MYO5B: variants seen among roughly 807,000 people sequenced by gnomAD.
The protein encoded by MYO5B is unconventional myosin-Vb.
A neutral mutation model predicts 229.3 loss-of-function variants in MYO5B; 143 were observed. That is an observed-to-expected ratio of 0.62 (90% CI 0.54 to 0.72). The LOEUF is 0.72. Among genes scored for constraint, MYO5B ranks in the 30% least tolerant of loss-of-function variants. The pLI is 0.00. For missense variants in MYO5B, 2,321 were observed against 2,331.0 expected, an observed-to-expected ratio of 1.00 and a Z score of 0.09; for synonymous variants, 918 against 885.2, an observed-to-expected ratio of 1.04 and a Z score of -0.66.
chr18:50,181,433 A>G (rs1486088287), intron 1 of MYO5B, among the ~76,000 whole-genome samples: 2 of 152,244 alleles, frequency 1.3e-5, no homozygotes, highest in Non-Finnish European at 2.9e-5. Flanking sequence ...CCTGGAAGCA[A>G]CACACAGTCC....
chr18:49,987,543 C>G (rs1238795696), intron 7 of MYO5B, among the ~76,000 whole-genome samples: 2 of 152,060 alleles, frequency 1.3e-5, no homozygotes, highest in African/African-American at 2.4e-5. Context: ...CTCCTATTAA[C>G]TAGTTCAACA....
At chr18:49,889,553 T>C (rs2024684472) in intron 22 of MYO5B, among the ~76,000 whole-genome samples, 1 of 152,210 alleles carries the variant, frequency 6.6e-6, no homozygotes, top group South Asian at 2.1e-4. Context: ...CAGCAGGCTG[T>C]GAAGTAACCA....
chr18:50,110,504 T>C (rs1481563449), intron 1 of MYO5B, among the ~76,000 whole-genome samples: 14 of 152,166 alleles, frequency 9.2e-5, no homozygotes, highest in Admixed American at 9.2e-4. Context: ...CCAGTACACA[T>C]TACTGAAAAG....
At chr18:50,108,497 CA>C (rs1487699670) in intron 1 of MYO5B, among the ~76,000 whole-genome samples, 19 of 152,282 alleles carry the variant, frequency 1.2e-4, no homozygotes, top group African/African-American at 4.3e-4. Flanking sequence ...AACATCGAAT[CA>C]GCTGAGTCCA....
intron 1 of MYO5B, among the ~76,000 whole-genome samples, chr18:50,189,505 C>T (rs1599091311): frequency 6.6e-6 from 1 of 152,160 alleles, no homozygotes. Flanking sequence ...AATTCCCAGG[C>T]TCCCTATGCA....
chr18:49,883,644 T>C (rs1617530), intron 22 of MYO5B, among the ~76,000 whole-genome samples: 90,073 of 150,970 alleles, frequency 0.6, 26,860 homozygotes, highest in Middle Eastern at 0.67. Flanking sequence ...AATTCATATA[T>C]AATATCTAGG....
At chr18:49,893,015 AGAG>A (rs916610417) in intron 22 of MYO5B, among the ~76,000 whole-genome samples, 3 of 152,178 alleles carry the variant, frequency 2.0e-5, no homozygotes, top group African/African-American at 4.8e-5. Context: ...TTTCTTAAGG[AGAG>A]GAGGAGGGAG....
At chr18:50,136,692 A>G (rs940499551) in intron 1 of MYO5B, among the ~76,000 whole-genome samples, 3 of 152,192 alleles carry the variant, frequency 2.0e-5, no homozygotes, top group African/African-American at 7.2e-5. Flanking sequence ...TCTGGGTTCA[A>G]ATCTTAACCC....
chr18:49,894,256 C>T (rs1421556945), intron 22 of MYO5B, among the ~76,000 whole-genome samples: 1 of 151,974 alleles, frequency 6.6e-6, no homozygotes, highest in Non-Finnish European at 1.5e-5. Flanking sequence ...ATGCTATTTC[C>T]CTTGTGGCTT....
rs1195919305 is a variant in MYO5B at position 49,992,382 on chromosome 18, C to G, written c.662G>C (p.Gly221Ala). Residue 221 changes from glycine (G) to alanine (A), a missense_variant, in exon 6 of 40, where the codon GGC (glycine) becomes GCC (alanine). This residue lies in a region of MYO5B where 2,113 missense variants were observed against 2,044.7 expected (regional missense o/e 1.03). Transcript: ENST00000285039. ...GTCAAAGCCAATCTGGATGTACTTG[C>G]CAAAACGGCTGCTGTTGTCATTGCG... ...TTRNDNSSRF[G>A]KYIQIGFDKR... is the part of the protein sequence containing the mutation. The G allele has an allele frequency of 6.2e-7, 1 of 1,614,036 alleles. No homozygotes were observed. Among genetic ancestry groups the G allele is most frequent in the Non-Finnish European group, 8.5e-7 (1 of 1,180,030 alleles).
chr18:49,979,550 T>C (rs1321212420), intron 9 of MYO5B, among the ~76,000 whole-genome samples: 1 of 151,970 alleles, frequency 6.6e-6, no homozygotes, highest in Non-Finnish European at 1.5e-5. Context: ...CAGAAGGAGG[T>C]TAATTTACGT....
At chr18:50,001,849 G>T (rs957031875) in intron 4 of MYO5B, among the ~76,000 whole-genome samples, 1 of 152,028 alleles carries the variant, frequency 6.6e-6, no homozygotes, top group African/African-American at 2.4e-5. Context: ...GGCTAACATG[G>T]TGAAACCCTG....
At position 49,853,504 on chromosome 18, in the gene MYO5B, G is replaced by A; in HGVS notation, c.4166C>T (p.Ala1389Val). The A allele has an allele frequency of 6.2e-7, 1 of 1,614,176 alleles. No individual in the cohort carries two copies. The highest frequency in any genetic ancestry group is 8.5e-7 in the Non-Finnish European group (1 of 1,180,028). The change falls in exon 31 of 40, where the codon GCC becomes GTC. Residue 1389 changes from alanine (A) to valine (V), a missense_variant. By Grantham distance (64) the Ala-to-Val change is moderately conservative. Around this residue, in one of 2 missense-constraint regions of MYO5B, gnomAD observed 2,113 missense variants for 2,044.7 expected, o/e 1.03. Coordinates refer to ENST00000285039, the MANE Select transcript of MYO5B (RefSeq NM_001080467.3). ...FCQTLLLSPE[A>V]QVEFGVQQEI... The stretch of plus-strand genomic sequence containing the variant: ...CTGCTGAACGCCGAATTCCACCTGG[G>A]CCTCTGGGGAGAGCAGTAGCGTCTG...
At chr18:49,888,896 T>A (rs1289744741) in intron 22 of MYO5B, among the ~76,000 whole-genome samples, 2 of 152,248 alleles carry the variant, frequency 1.3e-5, no homozygotes, top group Non-Finnish European at 2.9e-5. Flanking sequence ...TGTCCTGCTC[T>A]GACAGGGCCT....
intron 3 of MYO5B, among the ~76,000 whole-genome samples, chr18:50,038,782 A>C (rs1292111625): frequency 6.6e-6 from 1 of 152,240 alleles, no homozygotes; most frequent in Non-Finnish European, 1.5e-5. Context: ...CTTTAAAAAC[A>C]GAACCTGATG....
chr18:50,028,996 T>C (rs996521153), intron 4 of MYO5B, among the ~76,000 whole-genome samples: 1 of 152,224 alleles, frequency 6.6e-6, no homozygotes, highest in South Asian at 2.1e-4. Flanking sequence ...CCTAAATGCA[T>C]AATTTTAAAA....
At chr18:49,843,004 G>C (rs949187979) in intron 34 of MYO5B, among the ~76,000 whole-genome samples, 3 of 152,214 alleles carry the variant, frequency 2.0e-5, no homozygotes, top group African/African-American at 7.2e-5. Flanking sequence ...GCAGGGAGGA[G>C]CTGGAGGGCT....
chr18:50,041,097 C>A (rs2030003141), intron 2 of MYO5B, among the ~76,000 whole-genome samples: 1 of 152,196 alleles, frequency 6.6e-6, no homozygotes, highest in Non-Finnish European at 1.5e-5. Flanking sequence ...CTGCTGCTCA[C>A]CATGTATTAT....
At position 49,912,162 on chromosome 18, in the gene MYO5B, T is replaced by G. The variant is rs1281373397; in HGVS notation, c.2102A>C (p.His701Pro). 6.2e-7 allele frequency: 1 copy of G among 1,613,906 alleles called. No homozygotes were observed. The highest frequency in any genetic ancestry group is 1.1e-5 in the South Asian group (1 of 91,058). ...CACCCGATACCGGTTGAAAAAGTCA[T>G]GGTAGGCCCACCTGGAGGGAAAGCA... ...AAGYPSRWAY[H>P]DFFNRYRVLV... is the part of the protein sequence containing the mutation. Residue 701 changes from histidine (H) to proline (P), a missense_variant, in exon 18 of 40, where the codon CAT (histidine) becomes CCT (proline). Transcript: ENST00000285039.
Sources: allele counts gnomAD v4.1 joint callset (sites outside exome capture counted in the v4.1 genomes callset), GRCh38; gene constraint gnomAD v4.1.1; regional missense constraint gnomAD v4.1.1; transcripts MANE v1.5; gene names NCBI Gene and HGNC (gene_info 2026-07-23, HGNC 2026-07-21).